Variants in STX8 observed in about 807,000 individuals in gnomAD.
STX8 encodes the protein syntaxin 8.
STX8 carries 23 observed loss-of-function variants against 37.5 expected under a neutral mutation model. The ratio of observed to expected loss-of-function variants is 0.61; its 90% CI spans 0.44 to 0.87. The LOEUF (loss-of-function observed/expected upper bound fraction) is 0.87, where lower values mean the gene tolerates loss of function less well. Ranked by LOEUF, STX8 falls within the 40% of genes least tolerant of loss-of-function variation. The pLI is 0.00. For missense variants in STX8, 313 were observed against 284.7 expected (o/e 1.10, Z -0.71); for synonymous variants, 115 against 99.1 (o/e 1.16, Z -0.95).
intron 3 of STX8, among the ~76,000 whole-genome samples, chr17:9,545,651 G>A (rs1597734877): frequency 6.6e-6 from 1 of 152,194 alleles, no homozygotes; most frequent in African/African-American, 2.4e-5. Context: ...CGCGATCTCG[G>A]CCCACTGCAA....
At position 9,485,583 on chromosome 17, in the gene STX8, G is replaced by GT. The variant is rs1279974167; in HGVS notation, c.541+6245dup. 5.5e-5 allele frequency among the ~76,000 whole-genome samples: 7 copies of GT among 127,086 alleles called. 1 individual carries two copies. The Middle Eastern group carries it at 0.012, about 213-fold the overall frequency. 83.4% of individuals were successfully genotyped at this position (127,086 alleles called of 152,430 possible). A position where few individuals can be genotyped will look rare whatever the true frequency, so the allele number is the denominator to read the frequency against. ...AGGAGTTCTTTGTTTTTGTTTTTTTGTTTTTTGGTTTTTTTTTTTTGAGAC... is the reference window on the plus strand; with the variant it reads ...AGGAGTTCTTTGTTTTTGTTTTTTTGTTTTTTTGGTTTTTTTTTTTTGAGAC... On this transcript the variant is annotated intron_variant, in intron 6 of 7. Coordinates refer to ENST00000306357, the MANE Select transcript of STX8 (RefSeq NM_004853.3).
At position 9,250,640 on chromosome 17, in the gene STX8, T is replaced by C; in HGVS notation, c.649A>G (p.Ile217Val). 6.3e-7 allele frequency: 1 copy of C among 1,596,644 alleles called. No homozygotes were observed. The highest frequency in any genetic ancestry group is 8.5e-7 in the Non-Finnish European group (1 of 1,171,514). Residue 217 changes from isoleucine (I) to valine (V), a missense_variant, in exon 8 of 8, where the codon ATC becomes GTC. Ile to Val is a conservative substitution (Grantham distance 29). Coordinates refer to ENST00000306357, the MANE Select transcript of STX8 (RefSeq NM_004853.3). ...ACAAGCAGCAGTAAAATCACCATGA[T>C]CATCCCTGGAAAAAAGCAGCAGAAA... ...VDRKSASCGMIMVILLLLVAI... is the reference protein window; with the variant it reads ...VDRKSASCGMVMVILLLLVAI...
intron 7 of STX8, among the ~76,000 whole-genome samples, chr17:9,325,118 A>AT (rs1031109307): frequency 1.3e-5 from 2 of 152,188 alleles, no homozygotes; most frequent in Non-Finnish European, 2.9e-5. Flanking sequence ...CTGTGGGCTA[A>AT]TGTAAGTGTT....
intron 6 of STX8, among the ~76,000 whole-genome samples, chr17:9,416,257 G>A (rs756034222): frequency 3.3e-5 from 5 of 152,314 alleles, no homozygotes; most frequent in Middle Eastern, 3.4e-3. Flanking sequence ...TGATGACATC[G>A]AGAGAAATGT....
At chr17:9,393,618 G>A (rs533124049) in intron 6 of STX8, among the ~76,000 whole-genome samples, 1 of 152,280 alleles carries the variant, frequency 6.6e-6, no homozygotes, top group South Asian at 2.1e-4. Context: ...CTGATTCTAA[G>A]TAGACTGTAA....
chr17:9,394,384 A>T (rs114429556), intron 6 of STX8, among the ~76,000 whole-genome samples: 3,870 of 148,032 alleles, frequency 0.026, 182 homozygotes, highest in African/African-American at 0.09. Context: ...ATTTAAATTC[A>T]TTTTTTTTTT....
chr17:9,293,258 C>G (rs1315653613), intron 7 of STX8, among the ~76,000 whole-genome samples: 1 of 152,158 alleles, frequency 6.6e-6, no homozygotes, highest in Non-Finnish European at 1.5e-5. Flanking sequence ...ATGAATACTT[C>G]TAGTTTCTAG....
In STX8 at chr17:9,557,524, G is replaced by C; in HGVS notation, c.122C>G (p.Thr41Ser). The change falls in exon 3 of 8, where the codon ACC (threonine) becomes AGC (serine). Residue 41 changes from threonine (T) to serine (S), a missense_variant. By Grantham distance (58) the Thr-to-Ser change is moderately conservative. Transcript: ENST00000306357. ...CTGCAACAAAGCTCTGATTGTCACG[G>C]TAAGCTGAAAAGAAAAGAACACATC... The part of the protein sequence containing the change: ...ERKGEKAPKL[T>S]VTIRALLQNL... 1 of 1,613,832 alleles carries C rather than the reference G, an allele frequency of 6.2e-7. No individual in the cohort carries two copies. The highest frequency in any genetic ancestry group is 8.5e-7 in the Non-Finnish European group (1 of 1,179,812).
intron 6 of STX8, among the ~76,000 whole-genome samples, chr17:9,413,176 C>T (rs1044554465): frequency 1.3e-4 from 20 of 152,128 alleles, no homozygotes; most frequent in African/African-American, 4.8e-4. Context: ...GGTGGAAGAC[C>T]GGCCAGGAGC....
At chr17:9,474,861 A>G (rs1303739473) in intron 6 of STX8, among the ~76,000 whole-genome samples, 2 of 152,086 alleles carry the variant, frequency 1.3e-5, no homozygotes, top group African/African-American at 2.4e-5. Context: ...AATCCCAGCT[A>G]CTCGGGAGGC....
chr17:9,520,258 T>C (rs1905296462), intron 4 of STX8, among the ~76,000 whole-genome samples: 1 of 152,222 alleles, frequency 6.6e-6, no homozygotes, highest in Non-Finnish European at 1.5e-5. Context: ...CAAAACTTAA[T>C]CAACTGCTAC....
At chr17:9,477,410 C>G (rs536162589) in intron 6 of STX8, among the ~76,000 whole-genome samples, 2 of 152,086 alleles carry the variant, frequency 1.3e-5, no homozygotes, top group South Asian at 4.2e-4. Flanking sequence ...ACAAAAGGAG[C>G]AAAAACACTC....
chr17:9,357,158 T>G (rs1052785466), intron 7 of STX8, among the ~76,000 whole-genome samples: 1 of 151,552 alleles, frequency 6.6e-6, no homozygotes, highest in Non-Finnish European at 1.5e-5. Flanking sequence ...AGAGACGGGG[T>G]TTCGCCATGT....
At chr17:9,420,271 G>A (rs1020051766) in intron 6 of STX8, among the ~76,000 whole-genome samples, 5 of 152,254 alleles carry the variant, frequency 3.3e-5, no homozygotes, top group South Asian at 2.1e-4. Flanking sequence ...CCACAGCAGC[G>A]GCCCTGAACC....
chr17:9,498,793 T>G (rs1389007878), intron 5 of STX8, among the ~76,000 whole-genome samples: 5 of 152,122 alleles, frequency 3.3e-5, no homozygotes, highest in Non-Finnish European at 7.4e-5. Flanking sequence ...AGAAACCCCA[T>G]CAAGAAAGAC....
chr17:9,448,740 C>T (rs1305238562), intron 6 of STX8, among the ~76,000 whole-genome samples: 1 of 152,102 alleles, frequency 6.6e-6, no homozygotes, highest in Non-Finnish European at 1.5e-5. Context: ...TGTATTTCCC[C>T]TAAGAACAGT....
At chr17:9,342,002 T>C (rs1396361866) in intron 7 of STX8, among the ~76,000 whole-genome samples, 1 of 151,988 alleles carries the variant, frequency 6.6e-6, no homozygotes, top group East Asian at 1.9e-4. Flanking sequence ...TCCCCAACCT[T>C]TTTGGCACCA....
chr17:9,572,508 C>G (rs949437303), intron 1 of STX8, among the ~76,000 whole-genome samples: 1 of 152,186 alleles, frequency 6.6e-6, no homozygotes, highest in African/African-American at 2.4e-5. Flanking sequence ...CTCCTGGGTT[C>G]AAGTGATTCT....
chr17:9,350,527 T>G (rs1910673314), intron 7 of STX8, among the ~76,000 whole-genome samples: 3 of 150,626 alleles, frequency 2.0e-5, no homozygotes, highest in Non-Finnish European at 4.4e-5. Flanking sequence ...TGTTTTTTTT[T>G]TTGTTTTTGT....
Sources: allele counts gnomAD v4.1 joint callset (sites outside exome capture counted in the v4.1 genomes callset), GRCh38; gene constraint gnomAD v4.1.1; transcripts MANE v1.5; gene names NCBI Gene and HGNC (gene_info 2026-07-23, HGNC 2026-07-21).